Variants in GFPT1 observed in about 807,000 individuals in gnomAD.
The protein encoded by GFPT1 is glutamine--fructose-6-phosphate aminotransferase [isomerizing] 1.
A neutral mutation model predicts 92.0 loss-of-function variants in GFPT1; 40 were observed. The ratio of observed to expected loss-of-function variants is 0.43; its 90% CI spans 0.34 to 0.57. The LOEUF is 0.57. Ranked by LOEUF, GFPT1 falls within the 20% of genes least tolerant of loss-of-function variation. The pLI, the probability that GFPT1 is intolerant of heterozygous loss-of-function variation, is 0.02. For missense variants in GFPT1, 448 were observed against 869.1 expected (o/e 0.52, Z 6.09); for synonymous variants, 269 against 280.6 (o/e 0.96, Z 0.41).
chr2:69,346,208 T>G (rs1197728092), intron 11 of GFPT1, among the ~76,000 whole-genome samples: 1 of 152,004 alleles, frequency 6.6e-6, no homozygotes, highest in East Asian at 2.0e-4. Context: ...AACTTCATAC[T>G]TGAAATGTGC....
chr2:69,382,060 C>T (rs1469706547), intron 1 of GFPT1, among the ~76,000 whole-genome samples: 11 of 151,914 alleles, frequency 7.2e-5, no homozygotes, highest in African/African-American at 2.2e-4. Flanking sequence ...GATGGGGCTT[C>T]GCTATGTTGG....
intron 7 of GFPT1, among the ~76,000 whole-genome samples, chr2:69,354,875 G>C (rs139134212): frequency 6.6e-6 from 1 of 152,036 alleles, no homozygotes; most frequent in African/African-American, 2.4e-5. Flanking sequence ...GTGATGGCAC[G>C]TGCCTACAGT....
rs1671519206 is a variant in GFPT1 at position 69,363,219 on chromosome 2, T to G, written c.349+326A>C. On this transcript the variant is annotated intron_variant, in intron 4 of 19. Coordinates refer to ENST00000357308, the MANE Select transcript of GFPT1 (RefSeq NM_001244710.2). Reference sequence around the variant, plus strand: ...CCTGGGCTTAAACGATCCTCCCACCTCAGTCTCCCGAGTAGCTGAGACTAC... The same window carrying G: ...CCTGGGCTTAAACGATCCTCCCACCGCAGTCTCCCGAGTAGCTGAGACTAC... Among the ~76,000 whole-genome samples, 2 of 152,160 alleles carry G rather than the reference T, an allele frequency of 1.3e-5. 1 individual carries two copies. Among genetic ancestry groups the G allele is most frequent in the South Asian group, 4.1e-4 (2 of 4,832 alleles).
chr2:69,354,961 G>A (rs1038143243), intron 7 of GFPT1, among the ~76,000 whole-genome samples: 8 of 152,118 alleles, frequency 5.3e-5, no homozygotes, highest in African/African-American at 1.9e-4. Flanking sequence ...CCAAGATCGC[G>A]CCACTGCACT....
rs1448539093 is a variant in GFPT1, at chr2:69,329,705, G to C, written c.1576C>G (p.Leu526Val). 6.2e-7 allele frequency: 1 copy of C among 1,610,570 alleles called. No individual in the cohort carries two copies. The highest frequency in any genetic ancestry group is 8.5e-7 in the Non-Finnish European group (1 of 1,176,824). ...SMQERRKEIM[L>V]GLKRLPDLIK... The stretch of plus-strand genomic sequence containing the variant: ...GTACCAGGCAGCCGTTTCAATCCAA[G>C]CATGATCTCTTTGCGTCTTTCTTGC... The change falls in exon 16 of 20, where the codon CTT (leucine) becomes GTT (valine). Residue 526 changes from leucine (L) to valine (V), a missense_variant. Leu to Val is a conservative substitution (Grantham distance 32, BLOSUM62 1). Coordinates refer to ENST00000357308, the MANE Select transcript of GFPT1 (RefSeq NM_001244710.2).
At chr2:69,336,815 C>T (rs1010988779) in intron 15 of GFPT1, among the ~76,000 whole-genome samples, 2 of 151,766 alleles carry the variant, frequency 1.3e-5, no homozygotes, top group African/African-American at 4.8e-5. Context: ...ACCAAACAAA[C>T]CTAAAACCCC....
chr2:69,350,905 C>CAA (rs796406578), intron 9 of GFPT1, among the ~76,000 whole-genome samples: 12 of 78,392 alleles, frequency 1.5e-4, no homozygotes, highest in African/African-American at 2.0e-4. Context: ...AACTCTGTCT[C>CAA]AAAAAAAAAA....
intron 6 of GFPT1, 45 bp downstream of exon 6, chr2:69,358,284 A>G (rs752239850): frequency 6.5e-7 from 1 of 1,537,908 alleles, no homozygotes; most frequent in Admixed American, 1.7e-5. Context: ...AAAGTTTCTC[A>G]GCATTAATGT....
chr2:69,368,184 T>G (rs1488860235), intron 3 of GFPT1, among the ~76,000 whole-genome samples: 1 of 152,174 alleles, frequency 6.6e-6, no homozygotes, highest in East Asian at 1.9e-4. Context: ...AGATCGAGAC[T>G]ATCCTGGCTA....
chr2:69,326,806 T>C (rs1054151611), intron 19 of GFPT1, 108 bp downstream of exon 19: 26 of 1,048,250 alleles, frequency 2.5e-5, no homozygotes, highest in Non-Finnish European at 3.6e-5. Flanking sequence ...GACAGATATA[T>C]ATTTGATAGA....
At chr2:69,386,154 A>C (rs1672123193) in intron 1 of GFPT1, among the ~76,000 whole-genome samples, 1 of 152,146 alleles carries the variant, frequency 6.6e-6, no homozygotes, top group African/African-American at 2.4e-5. Context: ...AGAAGATATC[A>C]GTCATGTCAG....
In GFPT1 at chr2:69,354,265, C is replaced by A; in HGVS notation, c.733G>T (p.Glu245Ter). ...SKFTRWGSQG[E>*]RGKDKKGSCN... ...TGCAGAGTGCATTTCCCACCTCTTT[C>A]TCCCTGTGATCCCCACCGTGTGAAT... The change falls in exon 9 of 20, where the codon GAA (glutamate) becomes TAA (stop). Residue 245 changes from glutamate to a stop codon, truncating the protein, a stop_gained. Coordinates refer to ENST00000357308, the MANE Select transcript of GFPT1 (RefSeq NM_001244710.2). LOFTEE classifies it high-confidence loss of function. The A allele has an allele frequency of 2.5e-6, 4 of 1,588,284 alleles. No homozygotes were observed. The highest frequency in any genetic ancestry group is 3.4e-6 in the Non-Finnish European group (4 of 1,173,224).
chr2:69,373,960 C>T (rs918311868), intron 2 of GFPT1, 46 bp downstream of exon 2: 5 of 876,936 alleles, frequency 5.7e-6, no homozygotes, highest in Non-Finnish European at 9.7e-6. Flanking sequence ...AAAATAGTAT[C>T]TATTTAAAGA....
intron 15 of GFPT1, among the ~76,000 whole-genome samples, chr2:69,337,198 T>C (rs915883950): frequency 1.3e-5 from 2 of 151,716 alleles, no homozygotes; most frequent in African/African-American, 4.8e-5. Context: ...CCGGGTATGC[T>C]GGGATTACAG....
chr2:69,328,521 T>A, intron 17 of GFPT1, 83 bp from the exon 18 acceptor site: 1 of 967,336 alleles, frequency 1.0e-6, no homozygotes, highest in Non-Finnish European at 1.7e-6. Context: ...GCATCTGATA[T>A]GTCAAGCCAC....
intron 4 of GFPT1, among the ~76,000 whole-genome samples, chr2:69,361,805 C>T (rs1173225361): frequency 6.6e-6 from 1 of 152,002 alleles, no homozygotes; most frequent in African/African-American, 2.4e-5. Context: ...AAAGCAAGAC[C>T]CCTATCTCTA....
Position 69,325,916 on chromosome 2 carries a change from CA to C in GFPT1, c.*272del. On this transcript the variant is annotated 3_prime_UTR_variant, in exon 20 of 20. Transcript: ENST00000357308. ...GTGGAGGGTCCAGAAATGCAACACC[CA>C]GCATTCTTTAAAGAAAATAATAGCT... 2.7e-6 allele frequency: 1 copy of C among 374,490 alleles called. No homozygotes were observed. 23.2% of individuals were successfully genotyped at this position (374,490 alleles called of 1,614,324 possible).
chr2:69,353,229 G>A (rs1671255181), intron 9 of GFPT1, among the ~76,000 whole-genome samples: 1 of 151,762 alleles, frequency 6.6e-6, no homozygotes, highest in Non-Finnish European at 1.5e-5. Flanking sequence ...GACTCCATTT[G>A]TACAAAAAAT....
chr2:69,326,528 G>T (rs1574038695), intron 19 of GFPT1, among the ~76,000 whole-genome samples: 1 of 152,146 alleles, frequency 6.6e-6, no homozygotes, highest in East Asian at 1.9e-4. Context: ...AAAAACAAAA[G>T]CACTATGTTT....
Sources: allele counts gnomAD v4.1 joint callset (sites outside exome capture counted in the v4.1 genomes callset), GRCh38; gene constraint gnomAD v4.1.1; transcripts MANE v1.5; gene names NCBI Gene and HGNC (gene_info 2026-07-23, HGNC 2026-07-21).